Variants in MAF observed in about 807,000 individuals in gnomAD.
MAF encodes the protein MAF bZIP transcription factor.
In MAF, 10 loss-of-function variants were observed where a neutral mutation model predicts 22.0. That is an observed-to-expected ratio of 0.45 (90% CI 0.28 to 0.77). MAF has a LOEUF of 0.77. MAF is among the 30% of genes least tolerant of loss of function. MAF has a pLI of 0.12. For synonymous variants in MAF, 337 were observed against 255.8 expected (o/e 1.32, Z -3.03); for missense variants, 544 against 548.4 (o/e 0.99, Z 0.08).
At chr16:79,290,029 G>T in the MAF span, among the ~76,000 whole-genome samples, 63 of 151,956 alleles carry the variant, frequency 4.1e-4, no homozygotes, top group South Asian at 7.7e-3. Context: ...ACTAATTTTT[G>T]TATTTTTAGT....
At chr16:79,311,877 C>G in the MAF span, among the ~76,000 whole-genome samples, 9 of 150,780 alleles carry the variant, frequency 6.0e-5, no homozygotes, top group African/African-American at 2.0e-4. Flanking sequence ...AATGGGCACA[C>G]GGACCTCAGC....
the MAF span, among the ~76,000 whole-genome samples, chr16:79,446,243 A>G: frequency 2.0e-5 from 3 of 152,166 alleles, no homozygotes; most frequent in African/African-American, 7.2e-5. Flanking sequence ...ATAGAGCACT[A>G]GATTAGGAAC....
At chr16:79,342,972 T>C in the MAF span, among the ~76,000 whole-genome samples, 6 of 152,292 alleles carry the variant, frequency 3.9e-5, no homozygotes, top group African/African-American at 9.6e-5. Flanking sequence ...TCTTCTCTGG[T>C]AGTTTTTTTC....
chr16:79,450,684 C>A, the MAF span, among the ~76,000 whole-genome samples: 1 of 151,552 alleles, frequency 6.6e-6, no homozygotes, highest in Admixed American at 6.6e-5. Context: ...TCCTATTTTA[C>A]AAAGAAAGTG....
chr16:79,317,756 T>C, the MAF span, among the ~76,000 whole-genome samples: 50 of 152,308 alleles, frequency 3.3e-4, no homozygotes, highest in African/African-American at 1.2e-3. Context: ...GCCGATTTGC[T>C]CTGGGCTCCA....
the MAF span, among the ~76,000 whole-genome samples, chr16:79,229,691 G>A: frequency 7.6e-6 from 1 of 131,234 alleles, no homozygotes; most frequent in Admixed American, 7.8e-5. Context: ...CCACGGGGCT[G>A]GCTCCTCGTT....
the MAF span, among the ~76,000 whole-genome samples, chr16:79,319,195 G>T: frequency 6.6e-6 from 1 of 152,132 alleles, no homozygotes; most frequent in African/African-American, 2.4e-5. Context: ...GGTGGGGGGA[G>T]GTCCCCTTCT....
rs912721832 is a variant in MAF, at chr16:79,600,007, G to A, written c.-105C>T. On this transcript the variant is annotated 5_prime_UTR_variant, in exon 1 of 2. Coordinates refer to ENST00000326043, the MANE Select transcript of MAF (RefSeq NM_005360.5). ...GCCAGCGGGTGAGCCAGCTTGCCGG[G>A]CTGGGGCGCTTCTAGCTTGCGCGGC... is the stretch of plus-strand genomic sequence containing the variant. The A allele has an allele frequency of 2.2e-5, 34 of 1,518,650 alleles. No homozygotes were observed. The South Asian group carries it at 3.4e-4, about 15-fold the overall frequency. The allele number at this position is 1,518,650 out of a possible 1,614,324, so 94.1% of individuals were successfully genotyped here.
At chr16:79,451,926 T>A in the MAF span, among the ~76,000 whole-genome samples, 2 of 152,220 alleles carry the variant, frequency 1.3e-5, no homozygotes, top group East Asian at 3.9e-4. Flanking sequence ...CACTTACATG[T>A]GTGCAGAGTC....
At chr16:79,470,025 G>A in the MAF span, among the ~76,000 whole-genome samples, 1 of 152,232 alleles carries the variant, frequency 6.6e-6, no homozygotes, top group South Asian at 2.1e-4. Flanking sequence ...ACCTCGCTCA[G>A]AAACGTGCGG....
chr16:79,545,300 C>T, the MAF span, among the ~76,000 whole-genome samples: 1 of 152,068 alleles, frequency 6.6e-6, no homozygotes, highest in Non-Finnish European at 1.5e-5. Context: ...TGTCTGTGTA[C>T]TGAGTGAAAG....
Position 79,594,419 on chromosome 16 carries a change from A to G in MAF, c.*41T>C. The G allele has an allele frequency of 6.6e-7, 1 of 1,516,732 alleles. No individual in the cohort carries two copies. Among genetic ancestry groups the G allele is most frequent in the Non-Finnish European group, 9.0e-7 (1 of 1,115,642 alleles). The allele number at this position is 1,516,732 out of a possible 1,614,324, so 94.0% of individuals were successfully genotyped here. ...TTCTCCATGACTGCAAATAATAATA[A>G]TAATGATGATTTTTTTTAATGTACA... On this transcript the variant is annotated 3_prime_UTR_variant, in exon 2 of 2. Coordinates refer to ENST00000326043, the MANE Select transcript of MAF (RefSeq NM_005360.5).
chr16:79,301,355 G>T, the MAF span, among the ~76,000 whole-genome samples: 1 of 151,998 alleles, frequency 6.6e-6, no homozygotes, highest in African/African-American at 2.4e-5. Context: ...TTGTAAGTGT[G>T]CCTCCATGCA....
At chr16:79,324,608 T>C in the MAF span, among the ~76,000 whole-genome samples, 2 of 151,774 alleles carry the variant, frequency 1.3e-5, no homozygotes, top group African/African-American at 4.8e-5. Flanking sequence ...AGTAATTGAG[T>C]CGAAAACACC....
At chr16:79,230,202 C>G in the MAF span, among the ~76,000 whole-genome samples, 6 of 152,048 alleles carry the variant, frequency 3.9e-5, no homozygotes, top group Admixed American at 3.9e-4. Context: ...TTGCACAGAA[C>G]CTGAGGACTG....
At chr16:79,210,468 G>A in the MAF span, among the ~76,000 whole-genome samples, 2 of 152,272 alleles carry the variant, frequency 1.3e-5, no homozygotes, top group Middle Eastern at 3.4e-3. Flanking sequence ...TTTGGGTCGG[G>A]TCGGAAAGCC....
chr16:79,496,596 T>G, the MAF span, among the ~76,000 whole-genome samples: 1 of 152,244 alleles, frequency 6.6e-6, no homozygotes, highest in East Asian at 1.9e-4. Flanking sequence ...GATATCTGCC[T>G]TCATCTATAT....
At chr16:79,501,224 C>T in the MAF span, among the ~76,000 whole-genome samples, 1 of 152,200 alleles carries the variant, frequency 6.6e-6, no homozygotes. Context: ...AACACTCCAG[C>T]ATCTGCCTCC....
the MAF span, among the ~76,000 whole-genome samples, chr16:79,334,324 C>T: frequency 9.9e-5 from 15 of 152,240 alleles, no homozygotes; most frequent in South Asian, 1.0e-3. Context: ...GACCCTGCAG[C>T]GCACCAGGAG....
Sources: allele counts gnomAD v4.1 joint callset (sites outside exome capture counted in the v4.1 genomes callset), GRCh38; gene constraint gnomAD v4.1.1; transcripts MANE v1.5; gene names NCBI Gene and HGNC (gene_info 2026-07-23, HGNC 2026-07-21).